The following CD2AP variants were observed in gnomAD, a reference collection of about 807,000 sequenced individuals.
CD2AP encodes CD2-associated protein.
CD2AP carries 46 observed loss-of-function variants against 85.1 expected under a neutral mutation model. The ratio of observed to expected loss-of-function variants is 0.54; its 90% CI spans 0.43 to 0.69. CD2AP has a LOEUF of 0.69. Among genes scored for constraint, CD2AP ranks in the 30% least tolerant of loss-of-function variants. The pLI, the probability that CD2AP is intolerant of heterozygous loss-of-function variation, is 0.00. For synonymous variants in CD2AP, 255 were observed against 252.9 expected, an observed-to-expected ratio of 1.01 and a Z score of -0.08; for missense variants, 769 against 729.5, an observed-to-expected ratio of 1.05 and a Z score of -0.62.
intron 8 of CD2AP, 113 bp from the exon 9 acceptor site, chr6:47,579,272 C>T: frequency 1.5e-6 from 1 of 683,338 alleles, no homozygotes; most frequent in Non-Finnish European, 2.6e-6. Context: ...GAGGTTGAGG[C>T]TGCAGTGAGT....
intron 11 of CD2AP, among the ~76,000 whole-genome samples, chr6:47,589,203 T>C (rs138175469): frequency 6.6e-6 from 1 of 152,178 alleles, no homozygotes; most frequent in African/African-American, 2.4e-5. Context: ...GCTGAACTTT[T>C]ACTAAGAGTT....
intron 2 of CD2AP, among the ~76,000 whole-genome samples, chr6:47,520,118 A>G (rs1305287484): frequency 1.3e-5 from 2 of 151,214 alleles, no homozygotes; most frequent in Admixed American, 6.6e-5. Context: ...AGTCCTTTGG[A>G]ATGGAAAAAA....
At chr6:47,502,576 C>T (rs1766025084) in intron 1 of CD2AP, among the ~76,000 whole-genome samples, 1 of 151,604 alleles carries the variant, frequency 6.6e-6, no homozygotes, top group Non-Finnish European at 1.5e-5. Flanking sequence ...TCACTGCAAC[C>T]TCTGCCTCCT....
At chr6:47,621,692 A>G (rs1769749783) in intron 17 of CD2AP, among the ~76,000 whole-genome samples, 1 of 151,700 alleles carries the variant, frequency 6.6e-6, no homozygotes, top group Non-Finnish European at 1.5e-5. Context: ...TTTTGTTGGT[A>G]ATTTTTTAAT....
chr6:47,558,961 T>C (rs926147080), intron 5 of CD2AP, among the ~76,000 whole-genome samples: 2 of 152,216 alleles, frequency 1.3e-5, no homozygotes, highest in Non-Finnish European at 2.9e-5. Flanking sequence ...GCTGAGCTTT[T>C]TTTTGGTTGG....
chr6:47,593,246 G>A (rs1768850452), intron 11 of CD2AP, among the ~76,000 whole-genome samples: 1 of 152,048 alleles, frequency 6.6e-6, no homozygotes, highest in African/African-American at 2.4e-5. Context: ...AAAAATAATT[G>A]TACTTTATCA....
intron 4 of CD2AP, among the ~76,000 whole-genome samples, chr6:47,547,452 A>G (rs949222418): frequency 6.6e-6 from 1 of 152,118 alleles, no homozygotes; most frequent in Non-Finnish European, 1.5e-5. Context: ...ACATAATGTT[A>G]AAAGGCCTTG....
At chr6:47,535,449 A>G (rs1298525815) in intron 3 of CD2AP, among the ~76,000 whole-genome samples, 1 of 152,176 alleles carries the variant, frequency 6.6e-6, no homozygotes, top group Non-Finnish European at 1.5e-5. Context: ...TATTACTTTC[A>G]TAAGCTGTTG....
chr6:47,550,847 C>T (rs138169326), intron 4 of CD2AP, among the ~76,000 whole-genome samples: 235 of 152,308 alleles, frequency 1.5e-3, no homozygotes, highest in African/African-American at 5.5e-3. Context: ...GAATACTACT[C>T]AGCCATAAAA....
rs1338793325 is a variant in CD2AP, at chr6:47,549,259, CA to C, written c.420+4554del. On this transcript the variant is annotated intron_variant, in intron 4 of 17. Coordinates refer to ENST00000359314, the MANE Select transcript of CD2AP (RefSeq NM_012120.3). ...ATCCAACTTGGTAAAGAGGAAGTCA[CA>C]CTGTCACTGTTTGCTGATGATATGA... Among the ~76,000 whole-genome samples the C allele has an allele frequency of 3.3e-5, 5 of 152,118 alleles. No homozygotes were observed. In the East Asian group the frequency reaches 9.7e-4, roughly 29 times the overall value.
Position 47,579,473 on chromosome 6 carries a change from T to C in CD2AP, c.992T>C (p.Leu331Pro). The change falls in exon 9 of 18, where the codon CTT (leucine) becomes CCT (proline). Residue 331 changes from leucine (L) to proline (P), a missense_variant. Physicochemically the swap from Leu to Pro is moderately conservative, Grantham distance 98 (BLOSUM62 -3). Transcript: ENST00000359314. The part of the protein sequence containing the change: ...PDNFAVQINE[L>P]DKDFPKPKKP... ...AATTTTGCTGTCCAGATAAATGAAC[T>C]TGATAAAGACTTTCCAGTAAGCTTT... The C allele has an allele frequency of 6.3e-7, 1 of 1,597,682 alleles. No individual in the cohort carries two copies. The highest frequency in any genetic ancestry group is 1.1e-5 in the South Asian group (1 of 90,796).
At chr6:47,508,332 C>T (rs1766228821) in intron 2 of CD2AP, among the ~76,000 whole-genome samples, 2 of 152,182 alleles carry the variant, frequency 1.3e-5, no homozygotes, top group African/African-American at 4.8e-5. Context: ...CTTCATCTTG[C>T]ACTATTATGT....
chr6:47,582,897 C>T (rs928815741), intron 11 of CD2AP, among the ~76,000 whole-genome samples: 232 of 151,854 alleles, frequency 1.5e-3, no homozygotes, highest in African/African-American at 5.4e-3. Context: ...ATTCTCCTGC[C>T]TCAGCCTCCT....
At chr6:47,513,143 C>CTTTTTT (rs34297362) in intron 2 of CD2AP, among the ~76,000 whole-genome samples, 5 of 136,360 alleles carry the variant, frequency 3.7e-5, no homozygotes, top group African/African-American at 5.4e-5. Context: ...ATCTGAATAC[C>CTTTTTT]TTTTTTTTTT....
intron 16 of CD2AP, among the ~76,000 whole-genome samples, chr6:47,610,351 C>T (rs760999567): frequency 6.6e-6 from 1 of 152,086 alleles, no homozygotes; most frequent in Non-Finnish European, 1.5e-5. Flanking sequence ...AGTGAGGGTG[C>T]TCATCCCTTG....
intron 11 of CD2AP, among the ~76,000 whole-genome samples, chr6:47,588,931 T>A (rs1409996236): frequency 6.6e-6 from 1 of 152,150 alleles, no homozygotes; most frequent in African/African-American, 2.4e-5. Flanking sequence ...AGAATACTAT[T>A]TACTGATTGT....
At chr6:47,579,242 G>A in intron 8 of CD2AP, 143 bp from the exon 9 acceptor site, 2 of 624,310 alleles carry the variant, frequency 3.2e-6, no homozygotes, top group Non-Finnish European at 5.8e-6. Flanking sequence ...GGCTGAGTTG[G>A]GAGGATCACT....
At chr6:47,502,323 T>C (rs924985282) in intron 1 of CD2AP, among the ~76,000 whole-genome samples, 1 of 151,810 alleles carries the variant, frequency 6.6e-6, no homozygotes, top group Non-Finnish European at 1.5e-5. Context: ...TTTTTTTTTT[T>C]ATTTGAGTCT....
At position 47,624,701 on chromosome 6, in the gene CD2AP, G is replaced by GTC. The variant is rs1561838503; in HGVS notation, c.*475_*476insCT. ...ACTCTGTGTGTGTGTGTGTGTGTGTGTGTGTGTGTGTGTGTGTGTGTATAT... is the reference window on the plus strand; with the variant it reads ...ACTCTGTGTGTGTGTGTGTGTGTGTGTCTGTGTGTGTGTGTGTGTGTGTATAT... On this transcript the variant is annotated 3_prime_UTR_variant, in exon 18 of 18. Transcript: ENST00000359314. The GTC allele has an allele frequency of 1.5e-5, 2 of 136,624 alleles. No individual in the cohort carries two copies. The highest frequency in any genetic ancestry group is 5.4e-5 in the African/African-American group (2 of 37,028). The allele number at this position is 136,624 out of a possible 1,614,324, so 8.5% of individuals were successfully genotyped here. A position where few individuals can be genotyped will look rare whatever the true frequency, so the allele number is the denominator to read the frequency against.
Sources: gnomAD v4.1 joint callset for allele counts (sites outside exome capture counted in the v4.1 genomes callset) on GRCh38, gnomAD v4.1.1 for gene constraint, MANE v1.5 for transcripts, NCBI Gene and HGNC (gene_info 2026-07-23, HGNC 2026-07-21) for gene names.